The following NAALADL2 variants were observed in gnomAD, a reference collection of about 807,000 sequenced individuals.
NAALADL2 encodes the protein inactive N-acetylated-alpha-linked acidic dipeptidase-like protein 2.
A neutral mutation model predicts 87.2 loss-of-function variants in NAALADL2; 76 were observed. That is an observed-to-expected ratio of 0.87 (90% CI 0.72 to 1.05). The LOEUF is 1.05. NAALADL2 is among the 50% of genes least tolerant of loss of function. The pLI is 0.00. For synonymous variants in NAALADL2, 354 were observed against 331.0 expected, an observed-to-expected ratio of 1.07 and a Z score of -0.75; for missense variants, 1,089 against 945.8, an observed-to-expected ratio of 1.15 and a Z score of -1.99.
At chr3:175,771,705 G>A (rs1439253969) in intron 13 of NAALADL2, among the ~76,000 whole-genome samples, 1 of 151,954 alleles carries the variant, frequency 6.6e-6, no homozygotes, top group Non-Finnish European at 1.5e-5. Flanking sequence ...TTGGATTTAG[G>A]GCTCATTCAC....
At chr3:175,396,261 G>A (rs776638530) in intron 5 of NAALADL2, among the ~76,000 whole-genome samples, 2 of 152,070 alleles carry the variant, frequency 1.3e-5, no homozygotes, top group Non-Finnish European at 2.9e-5. Flanking sequence ...TTCATTCTGA[G>A]TAAAGTGTTA....
At chr3:174,480,046 G>A (rs544820851) in intron 1 of NAALADL2, among the ~76,000 whole-genome samples, 42 of 152,192 alleles carry the variant, frequency 2.8e-4, no homozygotes, top group African/African-American at 9.6e-4. Context: ...AAACCAGTTA[G>A]TAAAGAACTG....
rs566722738 is a variant in NAALADL2, at chr3:174,873,217, C to CTCTCTCTG, written c.43+13768_43+13769insCTCTCTGT. 2.9e-3 allele frequency among the ~76,000 whole-genome samples: 437 copies of CTCTCTCTG among 149,716 alleles called. 2 individuals carry two copies. The highest frequency in any genetic ancestry group is 0.01 in the African/African-American group (414 of 40,740). On this transcript the variant is annotated intron_variant, in intron 1 of 13. Transcript: ENST00000454872. ...TCTGTCTGTCTCTCTCTCTCTCTCT[C>CTCTCTCTG]TGTGTACATGTCTTTATTTATTTAT... is the stretch of plus-strand genomic sequence containing the variant.
chr3:175,070,443 TGTC>T (rs1239622341), intron 1 of NAALADL2, among the ~76,000 whole-genome samples: 3 of 152,084 alleles, frequency 2.0e-5, no homozygotes, highest in Non-Finnish European at 2.9e-5. Context: ...CTGCTGGACT[TGTC>T]TCAAAGTGTC....
intron 8 of NAALADL2, 83 bp from the exon 9 acceptor site, chr3:175,471,556 T>C: frequency 1.3e-6 from 1 of 750,702 alleles, no homozygotes; most frequent in Non-Finnish European, 2.2e-6. Flanking sequence ...TGAAATGAAA[T>C]GTTCATTATT....
intron 11 of NAALADL2, among the ~76,000 whole-genome samples, chr3:175,677,078 G>C (rs1452273544): frequency 6.6e-6 from 1 of 151,994 alleles, no homozygotes; most frequent in Non-Finnish European, 1.5e-5. Context: ...AAAAGATAAA[G>C]GACTGGCTGG....
chr3:175,133,028 A>G (rs7644323), intron 2 of NAALADL2, among the ~76,000 whole-genome samples: 70,534 of 136,274 alleles, frequency 0.52, 17,900 homozygotes, highest in East Asian at 0.66. Flanking sequence ...AGGTAGAGGC[A>G]CTCCCCACAT....
intron 1 of NAALADL2, among the ~76,000 whole-genome samples, chr3:175,025,758 C>T (rs1433983421): frequency 1.3e-5 from 2 of 152,006 alleles, no homozygotes; most frequent in Non-Finnish European, 2.9e-5. Context: ...TATTCACCAT[C>T]CCTCCATCTT....
chr3:175,330,944 A>T (rs747843323), intron 5 of NAALADL2, among the ~76,000 whole-genome samples: 2 of 145,422 alleles, frequency 1.4e-5, no homozygotes, highest in Non-Finnish European at 2.9e-5. Flanking sequence ...CCAAATAAAC[A>T]AAATCAGAAA....
At chr3:175,589,206 GT>G (rs1721009010) in intron 10 of NAALADL2, among the ~76,000 whole-genome samples, 1 of 152,104 alleles carries the variant, frequency 6.6e-6, no homozygotes, top group Non-Finnish European at 1.5e-5. Flanking sequence ...TAGTACTTTA[GT>G]TTATATCTTG....
At chr3:175,396,959 T>C (rs1037401338) in intron 5 of NAALADL2, among the ~76,000 whole-genome samples, 1 of 152,074 alleles carries the variant, frequency 6.6e-6, no homozygotes, top group Admixed American at 6.6e-5. Flanking sequence ...TACCCAGTCT[T>C]GGATGTCTTT....
intron 1 of NAALADL2, among the ~76,000 whole-genome samples, chr3:174,872,192 T>C (rs1727911122): frequency 6.6e-6 from 1 of 152,136 alleles, no homozygotes; most frequent in South Asian, 2.1e-4. Context: ...TGATGCTGAT[T>C]ATGATGATAA....
intron 2 of NAALADL2, among the ~76,000 whole-genome samples, chr3:174,640,302 C>T (rs1723042739): frequency 6.6e-6 from 1 of 152,126 alleles, no homozygotes. Flanking sequence ...TTTAGCTGTG[C>T]CTCAAAGGAG....
rs1467787187 is a variant in NAALADL2, at chr3:175,807,410, A to G, written c.*4207A>G. 1 of 151,918 alleles carries G rather than the reference A, an allele frequency of 6.6e-6. No homozygotes were observed. The highest frequency in any genetic ancestry group is 1.5e-5 in the Non-Finnish European group (1 of 67,880). 9.4% of individuals were successfully genotyped at this position (151,918 alleles called of 1,614,324 possible). A position where few individuals can be genotyped will look rare whatever the true frequency, so the allele number is the denominator to read the frequency against. Reference sequence around the variant, plus strand: ...CAAATGAAAATCTATAATTATTTGTATGATAAATTGGTAGACCTAGCCAAA... The same window carrying G: ...CAAATGAAAATCTATAATTATTTGTGTGATAAATTGGTAGACCTAGCCAAA... On this transcript the variant is annotated 3_prime_UTR_variant, in exon 14 of 14. Coordinates refer to ENST00000454872, the MANE Select transcript of NAALADL2 (RefSeq NM_207015.3).
intron 1 of NAALADL2, among the ~76,000 whole-genome samples, chr3:174,987,600 A>G (rs995820393): frequency 4.9e-5 from 7 of 142,256 alleles, no homozygotes; most frequent in African/African-American, 1.9e-4. Context: ...AAAAAAAAAC[A>G]ATACTCATCA....
chr3:174,647,791 T>C (rs1169048258), intron 2 of NAALADL2, among the ~76,000 whole-genome samples: 5 of 152,214 alleles, frequency 3.3e-5, no homozygotes, highest in Admixed American at 2.0e-4. Context: ...TTCTTTCATC[T>C]GTTTAAACCA....
chr3:175,534,719 G>T (rs553499074), intron 9 of NAALADL2, among the ~76,000 whole-genome samples: 1 of 151,562 alleles, frequency 6.6e-6, no homozygotes, highest in African/African-American at 2.4e-5. Flanking sequence ...GATAAAGGAG[G>T]CCTATTGACT....
chr3:174,537,272 TATTAA>T lies in NAALADL2; in HGVS notation c.-183-13290_-183-13286del, dbSNP rs1484712707. ...GCTAGCAATTGTTTTTTATTATGGATATTAAATTAAAGGGAAGCAAATCTTCATAT... is the reference window on the plus strand; with the variant it reads ...GCTAGCAATTGTTTTTTATTATGGATATTAAAGGGAAGCAAATCTTCATAT... On this transcript the variant is annotated intron_variant, in intron 1 of 3. Coordinates refer to the NAALADL2 transcript ENST00000434257. Among the ~76,000 whole-genome samples, 18 of 152,290 alleles carry T rather than the reference TATTAA, an allele frequency of 1.2e-4. No individual in the cohort carries two copies. The East Asian group carries it at 2.7e-3, about 23-fold the overall frequency.
At chr3:174,960,010 T>A (rs771339316) in intron 1 of NAALADL2, among the ~76,000 whole-genome samples, 4 of 152,012 alleles carry the variant, frequency 2.6e-5, no homozygotes, top group Non-Finnish European at 5.9e-5. Context: ...AGACTTTAGG[T>A]CTGCAGATAT....
Sources: allele counts gnomAD v4.1 joint callset (sites outside exome capture counted in the v4.1 genomes callset), GRCh38; gene constraint gnomAD v4.1.1; transcripts MANE v1.5; gene names NCBI Gene and HGNC (gene_info 2026-07-23, HGNC 2026-07-21).